The following TG variants were observed in gnomAD, a reference collection of about 807,000 sequenced individuals.
TG encodes the protein thyroglobulin.
In TG, 270 loss-of-function variants were observed where a neutral mutation model predicts 324.7. The observed-to-expected ratio is 0.83, with a 90% CI of 0.75 to 0.92. The LOEUF (loss-of-function observed/expected upper bound fraction) is 0.92. Ranked by LOEUF, TG falls within the 40% of genes least tolerant of loss-of-function variation. The pLI is 0.00. For missense variants in TG, 3,591 were observed against 3,456.4 expected (o/e 1.04, Z -0.98); for synonymous variants, 1,401 against 1,327.0 (o/e 1.06, Z -1.21).
intron 26 of TG, among the ~76,000 whole-genome samples, chr8:132,946,065 C>T (rs918396398): frequency 1.5e-5 from 2 of 137,234 alleles, no homozygotes; most frequent in African/African-American, 3.3e-5. Context: ...CACACACACA[C>T]ACACACACCC....
In TG at chr8:132,917,747, G is replaced by A. The variant is rs182619975; in HGVS notation, c.4379-1629G>A. ...AGATGTCTTTCTTCAGCAGAAATGC[G>A]GCTGTCAATGTTGGGGGGTTTGTGG... On this transcript the variant is annotated intron_variant, in intron 20 of 47. Transcript: ENST00000220616. 1.5e-3 allele frequency among the ~76,000 whole-genome samples: 223 copies of A among 152,178 alleles called. 1 individual carries two copies. The highest frequency in any genetic ancestry group is 5.0e-3 in the African/African-American group (209 of 41,500).
chr8:133,122,543 C>A (rs1851222793), intron 45 of TG, among the ~76,000 whole-genome samples: 3 of 152,188 alleles, frequency 2.0e-5, no homozygotes, highest in African/African-American at 7.2e-5. Flanking sequence ...TGAGTGCCTA[C>A]AATGGCCAAG....
chr8:133,126,812 C>T (rs1357739841), intron 45 of TG, among the ~76,000 whole-genome samples: 1 of 150,574 alleles, frequency 6.6e-6, no homozygotes, highest in Non-Finnish European at 1.5e-5. Flanking sequence ...AACAAAAAAA[C>T]AAAACAAAAC....
intron 41 of TG, chr8:133,063,755 G>T (rs535499766): frequency 6.6e-6 from 1 of 152,318 alleles, no homozygotes; most frequent in East Asian, 1.9e-4. Flanking sequence ...AAAACCATCA[G>T]GTCTCAACAG....
chr8:132,899,089 T>C, intron 14 of TG, 179 bp downstream of exon 14: 3 of 663,196 alleles, frequency 4.5e-6, no homozygotes, highest in Non-Finnish European at 5.5e-6. Context: ...ACTTACCTTT[T>C]CTGTGTCCCA....
At chr8:132,997,299 A>AC in intron 35 of TG, among the ~76,000 whole-genome samples, 2 of 152,308 alleles carry the variant, frequency 1.3e-5, no homozygotes, top group South Asian at 4.1e-4. Flanking sequence ...TTATGTGTTC[A>AC]GTTTTCAACA....
At chr8:133,059,386 G>T (rs1438885909) in intron 41 of TG, among the ~76,000 whole-genome samples, 2 of 152,184 alleles carry the variant, frequency 1.3e-5, no homozygotes, top group African/African-American at 2.4e-5. Context: ...CCACAGCATG[G>T]TGGATTTGAT....
intron 41 of TG, among the ~76,000 whole-genome samples, chr8:133,061,016 GTT>G (rs1842294384): frequency 6.6e-6 from 1 of 152,168 alleles, no homozygotes; most frequent in Non-Finnish European, 1.5e-5. Flanking sequence ...AACCTTTTCT[GTT>G]TTTGTTTTTT....
chr8:132,954,806 A>C, intron 27 of TG, among the ~76,000 whole-genome samples: 1 of 152,338 alleles, frequency 6.6e-6, no homozygotes, highest in African/African-American at 2.4e-5. Context: ...GAACTTCCTC[A>C]AGGTTATTCA....
chr8:133,129,659 G>A (rs573596674), intron 45 of TG, among the ~76,000 whole-genome samples: 1 of 152,122 alleles, frequency 6.6e-6, no homozygotes, highest in Admixed American at 6.5e-5. Context: ...ACCACACCCA[G>A]CTAATTTTTG....
At chr8:133,121,501 G>A (rs565053307) in intron 45 of TG, among the ~76,000 whole-genome samples, 11 of 152,206 alleles carry the variant, frequency 7.2e-5, no homozygotes, top group Non-Finnish European at 7.3e-5. Flanking sequence ...AAAGAGACAC[G>A]CAGATCCACG....
chr8:133,017,391 G>C (rs962271711), intron 37 of TG, among the ~76,000 whole-genome samples: 2 of 151,380 alleles, frequency 1.3e-5, no homozygotes, highest in African/African-American at 4.9e-5. Flanking sequence ...CCACAGAAAT[G>C]TTGGCTGTGT....
Position 132,882,599 on chromosome 8 carries a change from T to C in TG, c.876T>C (p.Ser292=), listed in dbSNP as rs1488236524. 6.2e-6 allele frequency: 10 copies of C among 1,614,138 alleles called. No homozygotes were observed. Among genetic ancestry groups the C allele is most frequent in the Non-Finnish European group, 8.5e-7 (1 of 1,180,056 alleles). ...TCCTCGCAGTTCAATCAGTCATCTCTGGCAGATTCCGATGTAAGTAATAAA... is the reference window on the plus strand; with the variant it reads ...TCCTCGCAGTTCAATCAGTCATCTCCGGCAGATTCCGATGTAAGTAATAAA... ...RRFLAVQSVI[S]GRFRCPTKCE... Residue 292 remains serine (S), a synonymous_variant, in exon 7 of 48, where the codon TCT becomes TCC. Coordinates refer to ENST00000220616, the MANE Select transcript of TG (RefSeq NM_003235.5).
At chr8:133,024,239 T>C (rs1364856526) in intron 40 of TG, among the ~76,000 whole-genome samples, 2 of 152,246 alleles carry the variant, frequency 1.3e-5, no homozygotes, top group Admixed American at 1.3e-4. Context: ...GGACACGCCC[T>C]TTCAATTCCC....
At position 132,971,815 on chromosome 8, in the gene TG, G is replaced by C. The variant is rs1401112031; in HGVS notation, c.5997G>C (p.Arg1999=). Residue 1999 remains arginine (R), a synonymous_variant, in exon 33 of 48, where the codon CGG becomes CGC. Coordinates refer to ENST00000220616, the MANE Select transcript of TG (RefSeq NM_003235.5). ...CCAGGTTCTTTGAATGTGAACGACGGTGCGATGCGGACCCATGCTGCACTG... is the reference window on the plus strand; with the variant it reads ...CCAGGTTCTTTGAATGTGAACGACGCTGCGATGCGGACCCATGCTGCACTG... The part of the protein sequence containing the change: ...ISNGFFECER[R]CDADPCCTGF... 1.2e-6 allele frequency: 2 copies of C among 1,613,736 alleles called. No homozygotes were observed. The highest frequency in any genetic ancestry group is 1.7e-6 in the Non-Finnish European group (2 of 1,179,678).
rs1027521923 is a variant in TG, at chr8:132,901,821, G to A, written c.3634+268G>A. Reference sequence around the variant, plus strand: ...GAAGCTTGGGGGCTGTCCTGCCCGGGAGTTTTGGGTCTTATTCTCTGTGTC... The same window carrying A: ...GAAGCTTGGGGGCTGTCCTGCCCGGAAGTTTTGGGTCTTATTCTCTGTGTC... On this transcript the variant is annotated intron_variant, in intron 16 of 47. Transcript: ENST00000220616. 5.3e-5 allele frequency among the ~76,000 whole-genome samples: 8 copies of A among 152,190 alleles called. No individual in the cohort carries two copies. In the South Asian group the frequency reaches 1.0e-3, roughly 20 times the overall value.
chr8:133,043,025 A>G (rs1230951559), intron 41 of TG, among the ~76,000 whole-genome samples: 1 of 152,056 alleles, frequency 6.6e-6, no homozygotes, highest in Non-Finnish European at 1.5e-5. Flanking sequence ...TCCAGTGGAG[A>G]TAAAAGTGGC....
chr8:133,094,902 T>G, intron 41 of TG, 142 bp from the exon 42 acceptor site: 4 of 1,080,252 alleles, frequency 3.7e-6, no homozygotes, highest in African/African-American at 1.5e-5. Flanking sequence ...TATCTTCCCA[T>G]TGTGTGCAGC....
In TG at chr8:133,029,843, C is replaced by G; in HGVS notation, c.7059C>G (p.Asn2353Lys). ...AAGGGTCCGGAGAGGTGAGTGGCAA[C>G]TGGGGGCTGCTGGACCAGGTGGCGG... ...LSSGSGEVSGNWGLLDQVAAL... is the reference protein window; with the variant it reads ...LSSGSGEVSGKWGLLDQVAAL... The change falls in exon 41 of 48, where the codon AAC becomes AAG. Residue 2353 changes from asparagine (N) to lysine (K), a missense_variant. Coordinates refer to ENST00000220616, the MANE Select transcript of TG (RefSeq NM_003235.5). The G allele has an allele frequency of 6.2e-7, 1 of 1,614,170 alleles. No individual in the cohort carries two copies. The highest frequency in any genetic ancestry group is 8.5e-7 in the Non-Finnish European group (1 of 1,179,986).
Sources: allele counts gnomAD v4.1 joint callset (sites outside exome capture counted in the v4.1 genomes callset), GRCh38; gene constraint gnomAD v4.1.1; transcripts MANE v1.5; gene names NCBI Gene and HGNC (gene_info 2026-07-23, HGNC 2026-07-21).